KRR1: variants seen among roughly 807,000 people sequenced by gnomAD.
The protein encoded by KRR1 is KRR1 small subunit processome component.
Under a neutral mutation model 50.0 loss-of-function variants are expected in KRR1, and 23 were observed. That is an observed-to-expected ratio of 0.46 (90% confidence interval 0.33 to 0.65). The LOEUF is 0.65. KRR1 is among the 30% of genes least tolerant of loss of function. The pLI, the probability that KRR1 is intolerant of heterozygous loss-of-function variation, is 0.02. For missense variants in KRR1, 419 were observed against 442.4 expected (o/e 0.95, Z 0.47); for synonymous variants, 133 against 146.3 (o/e 0.91, Z 0.66).
rs893261382 is a variant in KRR1 at position 75,492,794 on chromosome 12, A to T, written c.*7015T>A. On this transcript the variant is annotated 3_prime_UTR_variant, in exon 10 of 10. Transcript: ENST00000229214. ...GGCAGTCTCTGTCTTTATGAGAGTA[A>T]TATTTATGGGGCAAACAGATAATAA... The T allele has an allele frequency of 6.6e-6, 1 of 152,216 alleles. No homozygotes were observed. The allele number at this position is 152,216 out of a possible 1,614,324, so 9.4% of individuals were successfully genotyped here. A position where few individuals can be genotyped will look rare whatever the true frequency, so the allele number is the denominator to read the frequency against.
In KRR1 at chr12:75,499,442, T is replaced by G. The variant is rs1427977620; in HGVS notation, c.*367A>C. ...GATTTTAGAGGCCTTAATTTTCTGT[T>G]CATGGACTGTTAAAAGTAAAACCAA... On this transcript the variant is annotated 3_prime_UTR_variant, in exon 10 of 10. Transcript: ENST00000229214. 6.1e-6 allele frequency: 1 copy of G among 162,614 alleles called. No homozygotes were observed. The highest frequency in any genetic ancestry group is 1.8e-4 in the East Asian group (1 of 5,590). 10.1% of individuals were successfully genotyped at this position (162,614 alleles called of 1,614,324 possible). A position where few individuals can be genotyped will look rare whatever the true frequency, so the allele number is the denominator to read the frequency against.
At chr12:75,508,537 C>T in intron 1 of KRR1, 91 bp from the exon 2 acceptor site, 2 of 873,578 alleles carry the variant, frequency 2.3e-6, no homozygotes, top group Non-Finnish European at 3.5e-6. Context: ...ACTTTATGAA[C>T]ATCCTATGCA....
rs2046366501 is a variant in KRR1 at position 75,498,606 on chromosome 12, A to C, written c.*1203T>G. 4 of 1,064,224 alleles carry C rather than the reference A, an allele frequency of 3.8e-6. No homozygotes were observed. Among genetic ancestry groups the C allele is most frequent in the Non-Finnish European group, 2.9e-6 (2 of 698,590 alleles). The allele number at this position is 1,064,224 out of a possible 1,614,324, so 65.9% of individuals were successfully genotyped here. On this transcript the variant is annotated 3_prime_UTR_variant, in exon 10 of 10. Coordinates refer to ENST00000229214, the MANE Select transcript of KRR1 (RefSeq NM_007043.7). ...ATAAAGCCAAAGCAAGTTAATGGTC[A>C]TAATTATAAGACTTAGCTTTTTAAA...
At position 75,504,079 on chromosome 12, in the gene KRR1, A is replaced by C. The variant is rs372122256; in HGVS notation, c.661-5T>G. ...CTCTCTCTTAATCATTAAGCTCTTT[A>C]GTCATGCAACAAAGTAAAAATTTTT... On this transcript the variant is annotated splice_polypyrimidine_tract_variant and splice_region_variant and intron_variant, in intron 6 of 9. Coordinates refer to ENST00000229214, the MANE Select transcript of KRR1 (RefSeq NM_007043.7). 1 of 1,593,226 alleles carries C rather than the reference A, an allele frequency of 6.3e-7. No individual in the cohort carries two copies. Among genetic ancestry groups the C allele is most frequent in the Non-Finnish European group, 8.5e-7 (1 of 1,169,946 alleles).
In KRR1 at chr12:75,498,728, C is replaced by T; in HGVS notation, c.*1081G>A. ...AGCGAGACCAAGTCAAACGTACGTA[C>T]ATCAATCTTAAATTGTTTCATTAAG... On this transcript the variant is annotated 3_prime_UTR_variant, in exon 10 of 10. Coordinates refer to ENST00000229214, the MANE Select transcript of KRR1 (RefSeq NM_007043.7). 6.2e-7 allele frequency: 1 copy of T among 1,612,032 alleles called. No homozygotes were observed. The highest frequency in any genetic ancestry group is 8.5e-7 in the Non-Finnish European group (1 of 1,178,424).
rs2120543946 is a variant in KRR1 at position 75,493,163 on chromosome 12, G to T, written c.*6646C>A. 6.6e-6 allele frequency: 1 copy of T among 152,314 alleles called. No homozygotes were observed. Among genetic ancestry groups the T allele is most frequent in the Non-Finnish European group, 1.5e-5 (1 of 68,036 alleles). The allele number at this position is 152,314 out of a possible 1,614,324, so 9.4% of individuals were successfully genotyped here. A position where few individuals can be genotyped will look rare whatever the true frequency, so the allele number is the denominator to read the frequency against. On this transcript the variant is annotated 3_prime_UTR_variant, in exon 10 of 10. Transcript: ENST00000229214. Reference sequence around the variant, plus strand: ...TTAGATCATGACAAAGTTTACATAAGAAGTCATTCAAGTATATTAAGCAGG... The same window carrying T: ...TTAGATCATGACAAAGTTTACATAATAAGTCATTCAAGTATATTAAGCAGG...
In KRR1 at chr12:75,508,422, G is replaced by A. The variant is rs1218125523; in HGVS notation, c.110C>T (p.Pro37Leu). The change falls in exon 2 of 10, where the codon CCT becomes CTT. Residue 37 changes from proline (P) to leucine (L), a missense_variant. Coordinates refer to ENST00000229214, the MANE Select transcript of KRR1 (RefSeq NM_007043.7). ...NQDESELLTV[P>L]DGWKEPAFSK... ...AAAAGCTGGTTCCTTCCAACCATCA[G>A]GAACCGTAAGGAGTTCTGATTCATC... 1.9e-6 allele frequency: 3 copies of A among 1,604,538 alleles called. No individual in the cohort carries two copies. The East Asian group carries it at 6.7e-5, about 36-fold the overall frequency.
chr12:75,500,928 T>A (rs1311332776), intron 9 of KRR1: 2 of 152,058 alleles, frequency 1.3e-5, no homozygotes, highest in African/African-American at 4.8e-5. Context: ...CATTTCTACC[T>A]TTTATATAAC....
intron 9 of KRR1, 133 bp from the exon 10 acceptor site, chr12:75,500,084 G>GAT: frequency 1.5e-6 from 1 of 659,194 alleles, no homozygotes; most frequent in Non-Finnish European, 2.4e-6. Flanking sequence ...ATAATTGAAA[G>GAT]GTGATCACAG....
Position 75,495,384 on chromosome 12 carries a change from A to C in KRR1, c.*4425T>G, listed in dbSNP as rs2046344122. The stretch of plus-strand genomic sequence containing the variant: ...CAGATTAAAACAGGTGCATAGACAC[A>C]GGTACATAGAATGAACTATGCAAAT... On this transcript the variant is annotated 3_prime_UTR_variant, in exon 10 of 10. Transcript: ENST00000229214. 1 of 519,114 alleles carries C rather than the reference A, an allele frequency of 1.9e-6. No individual in the cohort carries two copies. Among genetic ancestry groups the C allele is most frequent in the African/African-American group, 1.9e-5 (1 of 52,314 alleles). The allele number at this position is 519,114 out of a possible 1,614,324, so 32.2% of individuals were successfully genotyped here.
At chr12:75,511,247 T>C (rs2046446987) in intron 1 of KRR1, among the ~76,000 whole-genome samples, 1 of 152,208 alleles carries the variant, frequency 6.6e-6, no homozygotes. Flanking sequence ...ATTTTCTTAA[T>C]ACTCATCCTT....
intron 2 of KRR1, 42 bp downstream of exon 2, chr12:75,508,232 A>C (rs2046431431): frequency 1.4e-6 from 2 of 1,460,866 alleles, no homozygotes; most frequent in Non-Finnish European, 1.9e-6. Flanking sequence ...CATAAGCAAG[A>C]GCAAAGTCTC....
Position 75,494,201 on chromosome 12 carries a change from A to G in KRR1, c.*5608T>C, listed in dbSNP as rs370161142. The G allele has an allele frequency of 1.3e-5, 2 of 152,364 alleles. No individual in the cohort carries two copies. Among genetic ancestry groups the G allele is most frequent in the East Asian group, 3.9e-4 (2 of 5,186 alleles). 9.4% of individuals were successfully genotyped at this position (152,364 alleles called of 1,614,324 possible). Reference sequence around the variant, plus strand: ...GTATCGTTATAAAGTTGTGTGTCTAAGGTGAGAGTTCTCAACTTTGGAGGT... The same window carrying G: ...GTATCGTTATAAAGTTGTGTGTCTAGGGTGAGAGTTCTCAACTTTGGAGGT... On this transcript the variant is annotated 3_prime_UTR_variant, in exon 10 of 10. Transcript: ENST00000229214.
chr12:75,504,745 A>AT (rs748637443), intron 6 of KRR1, among the ~76,000 whole-genome samples: 87 of 152,066 alleles, frequency 5.7e-4, no homozygotes, highest in Non-Finnish European at 1.1e-3. Flanking sequence ...ACACAGGGAT[A>AT]TAACAGTTCT....
At position 75,497,863 on chromosome 12, in the gene KRR1, A is replaced by G. The variant is rs2046360607; in HGVS notation, c.*1946T>C. The G allele has an allele frequency of 6.6e-6, 1 of 151,430 alleles. No individual in the cohort carries two copies. Among genetic ancestry groups the G allele is most frequent in the East Asian group, 2.0e-4 (1 of 5,096 alleles). 9.4% of individuals were successfully genotyped at this position (151,430 alleles called of 1,614,324 possible). On this transcript the variant is annotated 3_prime_UTR_variant, in exon 10 of 10. Transcript: ENST00000229214. ...AGTTCACAGATGTACATTTGTTTCAATAGTTGAATATTGAACATTTAAAAA... is the reference window on the plus strand; with the variant it reads ...AGTTCACAGATGTACATTTGTTTCAGTAGTTGAATATTGAACATTTAAAAA...
intron 7 of KRR1, 74 bp downstream of exon 7, chr12:75,503,830 C>T (rs1167853251): frequency 3.0e-6 from 4 of 1,331,748 alleles, no homozygotes; most frequent in Middle Eastern, 2.6e-4. Context: ...ACCTGAAATA[C>T]TTTCAATAAA....
At position 75,498,386 on chromosome 12, in the gene KRR1, A is replaced by G. The variant is rs1024922975; in HGVS notation, c.*1423T>C. 4 of 209,420 alleles carry G rather than the reference A, an allele frequency of 1.9e-5. No individual in the cohort carries two copies. In the South Asian group the frequency reaches 5.1e-4, roughly 27 times the overall value. The allele number at this position is 209,420 out of a possible 1,614,324, so 13.0% of individuals were successfully genotyped here. ...ATTTTAATAAATTTCTCACATTCTAATATTTAATTTTTATTTTTTAAATTT... is the reference window on the plus strand; with the variant it reads ...ATTTTAATAAATTTCTCACATTCTAGTATTTAATTTTTATTTTTTAAATTT... On this transcript the variant is annotated 3_prime_UTR_variant, in exon 10 of 10. Coordinates refer to ENST00000229214, the MANE Select transcript of KRR1 (RefSeq NM_007043.7).
rs1479903452 is a variant in KRR1 at position 75,495,445 on chromosome 12, C to A, written c.*4364G>T. The A allele has an allele frequency of 1.1e-4, 66 of 592,066 alleles. No homozygotes were observed. The East Asian group carries it at 1.8e-3, about 16-fold the overall frequency. 36.7% of individuals were successfully genotyped at this position (592,066 alleles called of 1,614,324 possible). On this transcript the variant is annotated 3_prime_UTR_variant, in exon 10 of 10. Coordinates refer to ENST00000229214, the MANE Select transcript of KRR1 (RefSeq NM_007043.7). ...TTCCATTTCTGCCTTCCTGTCTTCACTTCTATTACCAACTCTCTGGACCTT... is the reference window on the plus strand; with the variant it reads ...TTCCATTTCTGCCTTCCTGTCTTCAATTCTATTACCAACTCTCTGGACCTT...
chr12:75,503,791 C>T (rs2046409759), intron 7 of KRR1, 113 bp downstream of exon 7: 4 of 959,522 alleles, frequency 4.2e-6, no homozygotes, highest in Admixed American at 2.4e-5. Context: ...TGCACACACA[C>T]ACACAATATA....
Sources: gnomAD v4.1 joint callset for allele counts (sites outside exome capture counted in the v4.1 genomes callset) on GRCh38, gnomAD v4.1.1 for gene constraint, MANE v1.5 for transcripts, NCBI Gene and HGNC (gene_info 2026-07-23, HGNC 2026-07-21) for gene names.